The following RFX2 variants were observed in gnomAD, a reference collection of about 807,000 sequenced individuals.
The protein encoded by RFX2 is DNA-binding protein RFX2.
A neutral mutation model predicts 87.8 loss-of-function variants in RFX2; 20 were observed. That is an observed-to-expected ratio of 0.23 (90% confidence interval 0.16 to 0.33). RFX2 has a LOEUF of 0.33. Among genes scored for constraint, RFX2 ranks in the 10% least tolerant of loss-of-function variants. The pLI, the probability that RFX2 is intolerant of heterozygous loss-of-function variation, is 1.00. For synonymous variants in RFX2, 397 were observed against 431.3 expected (o/e 0.92, Z 0.98); for missense variants, 767 against 1,012.3 (o/e 0.76, Z 3.29).
At chr19:6,106,645 C>T (rs1352142136) in intron 1 of RFX2, among the ~76,000 whole-genome samples, 3 of 152,084 alleles carry the variant, frequency 2.0e-5, no homozygotes, top group Non-Finnish European at 4.4e-5. Flanking sequence ...CTCGCATTCT[C>T]CTCCCCTGCA....
Position 6,101,084 on chromosome 19 carries a change from A to G in RFX2, c.-9+9309T>C, listed in dbSNP as rs1024741301. 2.6e-5 allele frequency among the ~76,000 whole-genome samples: 4 copies of G among 152,070 alleles called. No individual in the cohort carries two copies. The highest frequency in any genetic ancestry group is 4.8e-5 in the African/African-American group (2 of 41,398). ...TTGTCTAGTGCCTTCTCCCCTCTCAACTGTCCACATGACGATATATTAATA... is the reference window on the plus strand; with the variant it reads ...TTGTCTAGTGCCTTCTCCCCTCTCAGCTGTCCACATGACGATATATTAATA... On this transcript the variant is annotated intron_variant, in intron 1 of 17. Coordinates refer to ENST00000303657, the MANE Select transcript of RFX2 (RefSeq NM_000635.4). This position sits in a 1 kb window ranked among gnomAD's most constrained non-coding sequence, Gnocchi z 4.9.
At position 6,022,588 on chromosome 19, in the gene RFX2, C is replaced by A. The variant is rs886706402; in HGVS notation, c.597+3575G>T. Among the ~76,000 whole-genome samples, 2 of 152,226 alleles carry A rather than the reference C, an allele frequency of 1.3e-5. No individual in the cohort carries two copies. The highest frequency in any genetic ancestry group is 2.9e-5 in the Non-Finnish European group (2 of 68,042). ...CTCTTCTGCTCAAGTCGGTGGCCTGCCACACCCGGTCGGGTGAAGACATGT... is the reference window on the plus strand; with the variant it reads ...CTCTTCTGCTCAAGTCGGTGGCCTGACACACCCGGTCGGGTGAAGACATGT... On this transcript the variant is annotated intron_variant, in intron 6 of 17. Coordinates refer to ENST00000303657, the MANE Select transcript of RFX2 (RefSeq NM_000635.4). The surrounding 1 kb of genome is among the most constrained non-coding windows in gnomAD (Gnocchi z 6.2).
rs951416366 is a variant in RFX2, at chr19:6,044,972, A to C, written c.91-690T>G. ...TACCGATTGGCCACACAAAGCTATC[A>C]AAATGGGAAGGGTCAAAGTGAACTC... On this transcript the variant is annotated intron_variant, in intron 2 of 17. Transcript: ENST00000303657. The surrounding 1 kb of genome is among the most constrained non-coding windows in gnomAD (Gnocchi z 5.3). 1.5e-4 allele frequency among the ~76,000 whole-genome samples: 23 copies of C among 152,182 alleles called. No homozygotes were observed. Among genetic ancestry groups the C allele is most frequent in the African/African-American group, 5.6e-4 (23 of 41,438 alleles).
At chr19:6,098,488 G>A (rs1366522634) in intron 1 of RFX2, among the ~76,000 whole-genome samples, 1 of 152,190 alleles carries the variant, frequency 6.6e-6, no homozygotes, top group South Asian at 2.1e-4. Context: ...TCTTGAGTCA[G>A]TGTCTCTTTG....
In RFX2 at chr19:6,018,265, C is replaced by T. The variant is rs1473441143; in HGVS notation, c.598-1994G>A. Among the ~76,000 whole-genome samples the T allele has an allele frequency of 2.0e-5, 3 of 152,206 alleles. No individual in the cohort carries two copies. In the East Asian group the frequency reaches 5.8e-4, roughly 29 times the overall value. Reference sequence around the variant, plus strand: ...GATTACAGGCGTGAGCCACCGCGCCCGGCCTTCATCTCCTTTTTATGAAAT... The same window carrying T: ...GATTACAGGCGTGAGCCACCGCGCCTGGCCTTCATCTCCTTTTTATGAAAT... On this transcript the variant is annotated intron_variant, in intron 6 of 17. Coordinates refer to ENST00000303657, the MANE Select transcript of RFX2 (RefSeq NM_000635.4).
chr19:6,064,476 C>CA lies in RFX2; in HGVS notation c.-8-16973dup, dbSNP rs1212224385. On this transcript the variant is annotated intron_variant, in intron 1 of 17. Coordinates refer to ENST00000303657, the MANE Select transcript of RFX2 (RefSeq NM_000635.4). The surrounding 1 kb of genome is among the most constrained non-coding windows in gnomAD (Gnocchi z 4.8). ...CACTCACCCTCTCCTGTCCCAGCTT[C>CA]AAAATCTTTCAGAGCGACTCATGCT... Among the ~76,000 whole-genome samples the CA allele has an allele frequency of 6.6e-6, 1 of 152,244 alleles. No individual in the cohort carries two copies. Among genetic ancestry groups the CA allele is most frequent in the Admixed American group, 6.5e-5 (1 of 15,284 alleles).
chr19:6,044,445 A>T lies in RFX2; in HGVS notation c.91-163T>A, dbSNP rs193295613. Among the ~76,000 whole-genome samples the T allele has an allele frequency of 1.3e-5, 2 of 152,302 alleles. No individual in the cohort carries two copies. The highest frequency in any genetic ancestry group is 1.3e-4 in the Admixed American group (2 of 15,296). On this transcript the variant is annotated intron_variant, in intron 2 of 17. Transcript: ENST00000303657. This position sits in a 1 kb window ranked among gnomAD's most constrained non-coding sequence, Gnocchi z 5.3. ...GGGTGATGGTCAGACTTGCACACTCACACCGACCTGGGCAGACACACGGCA... is the reference window on the plus strand; with the variant it reads ...GGGTGATGGTCAGACTTGCACACTCTCACCGACCTGGGCAGACACACGGCA...
intron 1 of RFX2, among the ~76,000 whole-genome samples, chr19:6,062,500 A>G (rs111354460): frequency 5.6e-4 from 86 of 152,298 alleles, no homozygotes; most frequent in African/African-American, 2.0e-3. Flanking sequence ...GAGGAAGCAC[A>G]TGTTTTTATG....
chr19:6,062,246 G>C, intron 1 of RFX2, among the ~76,000 whole-genome samples: 1 of 152,216 alleles, frequency 6.6e-6, no homozygotes, highest in East Asian at 1.9e-4. Flanking sequence ...ACAACCCCAA[G>C]GACAACAGCA....
At chr19:5,995,989 T>C (rs895517578) in intron 16 of RFX2, among the ~76,000 whole-genome samples, 1 of 152,184 alleles carries the variant, frequency 6.6e-6, no homozygotes, top group Non-Finnish European at 1.5e-5. Context: ...CTGAAGTCTG[T>C]ACACAGCAGG....
chr19:6,054,592 G>A (rs1309783550), intron 1 of RFX2, among the ~76,000 whole-genome samples: 2 of 151,884 alleles, frequency 1.3e-5, no homozygotes, highest in African/African-American at 2.4e-5. Flanking sequence ...TCCTCAACTG[G>A]ATTTTCACAA....
chr19:6,094,825 A>G (rs1001611091), intron 1 of RFX2, among the ~76,000 whole-genome samples: 6 of 152,310 alleles, frequency 3.9e-5, no homozygotes, highest in Non-Finnish European at 8.8e-5. Flanking sequence ...GTCTCTTTTT[A>G]CTTTTTAAAA....
intron 5 of RFX2, among the ~76,000 whole-genome samples, chr19:6,035,780 C>T (rs191717677): frequency 6.6e-6 from 1 of 151,836 alleles, no homozygotes. Flanking sequence ...CAATAAACAA[C>T]AGCAGAGCAG....
At position 6,105,122 on chromosome 19, in the gene RFX2, A is replaced by C. The variant is rs555881008; in HGVS notation, c.-9+5271T>G. Reference sequence around the variant, plus strand: ...ACAGAGTGAGACTCCGTCTCACAAAAAAAAAAAAAAAAGAAGTTAATAAAA... The same window carrying C: ...ACAGAGTGAGACTCCGTCTCACAAACAAAAAAAAAAAAGAAGTTAATAAAA... On this transcript the variant is annotated intron_variant, in intron 1 of 17. Coordinates refer to ENST00000303657, the MANE Select transcript of RFX2 (RefSeq NM_000635.4). Among the ~76,000 whole-genome samples the C allele has an allele frequency of 3.3e-5, 5 of 151,698 alleles. No homozygotes were observed. In the South Asian group the frequency reaches 1.0e-3, roughly 31 times the overall value.
At chr19:6,081,074 C>T (rs1280950500) in intron 1 of RFX2, among the ~76,000 whole-genome samples, 2 of 151,778 alleles carry the variant, frequency 1.3e-5, no homozygotes, top group Non-Finnish European at 2.9e-5. Flanking sequence ...CTAAGGGAAG[C>T]CCCAGGAGGC....
rs2086499465 is a variant in RFX2, at chr19:6,002,212, T to G, written c.1651-189A>C. Among the ~76,000 whole-genome samples the G allele has an allele frequency of 6.6e-6, 1 of 152,256 alleles. No homozygotes were observed. Among genetic ancestry groups the G allele is most frequent in the African/African-American group, 2.4e-5 (1 of 41,468 alleles). On this transcript the variant is annotated intron_variant, in intron 14 of 17. Transcript: ENST00000303657. This position sits in a 1 kb window ranked among gnomAD's most constrained non-coding sequence, Gnocchi z 6.7. ...CAGAATAGAGAGCTGAGGGGGATCG[T>G]ACCCGGCTTCCGGGGACTCATACCC...
chr19:5,997,224 G>A lies in RFX2; in HGVS notation c.1860-11C>T. ...CGGATCACCATGGAGCTGGGGACAAGCGGACAGAGGCTGGGGACCCTCAGG... is the reference window on the plus strand; with the variant it reads ...CGGATCACCATGGAGCTGGGGACAAACGGACAGAGGCTGGGGACCCTCAGG... On this transcript the variant is annotated splice_polypyrimidine_tract_variant and intron_variant, in intron 15 of 17. Coordinates refer to ENST00000303657, the MANE Select transcript of RFX2 (RefSeq NM_000635.4). The surrounding 1 kb of genome is among the most constrained non-coding windows in gnomAD (Gnocchi z 4.2). 6.2e-7 allele frequency: 1 copy of A among 1,606,788 alleles called. No homozygotes were observed. Among genetic ancestry groups the A allele is most frequent in the Non-Finnish European group, 8.5e-7 (1 of 1,178,872 alleles).
At chr19:6,103,815 A>G (rs981500413) in intron 1 of RFX2, among the ~76,000 whole-genome samples, 1 of 152,146 alleles carries the variant, frequency 6.6e-6, no homozygotes, top group Non-Finnish European at 1.5e-5. Flanking sequence ...CAGTCAAGCA[A>G]GATGTATGTA....
rs1384711185 is a variant in RFX2 at position 6,110,025 on chromosome 19, C to A, written c.-9+368G>T. ...GTGAGAAGAGGGTCCCCAAGCGCCC[C>A]CAATTCAGGGAGTTTGAGGAGTTTG... On this transcript the variant is annotated intron_variant, in intron 1 of 17. Coordinates refer to ENST00000303657, the MANE Select transcript of RFX2 (RefSeq NM_000635.4). This position sits in a 1 kb window ranked among gnomAD's most constrained non-coding sequence, Gnocchi z 4.3. Among the ~76,000 whole-genome samples, 1 of 151,756 alleles carries A rather than the reference C, an allele frequency of 6.6e-6. No homozygotes were observed. The highest frequency in any genetic ancestry group is 6.6e-5 in the Admixed American group (1 of 15,256).
Sources: allele counts gnomAD v4.1 joint callset (sites outside exome capture counted in the v4.1 genomes callset), GRCh38; gene constraint gnomAD v4.1.1; non-coding constraint Gnocchi (gnomAD v3.1); transcripts MANE v1.5; gene names NCBI Gene and HGNC (gene_info 2026-07-23, HGNC 2026-07-21).